The following TANGO6 variants were observed in gnomAD, a reference collection of about 807,000 sequenced individuals.
TANGO6 encodes the protein transport and golgi organization 6 homolog.
In TANGO6, 90 loss-of-function variants were observed where a neutral mutation model predicts 114.2. The observed-to-expected ratio is 0.79, with a 90% confidence interval of 0.66 to 0.94. The LOEUF is 0.94. Among genes scored for constraint, TANGO6 ranks in the 40% least tolerant of loss-of-function variants. The pLI is 0.00. For missense variants in TANGO6, 1,274 were observed against 1,315.3 expected (o/e 0.97, Z 0.49); for synonymous variants, 477 against 509.8 (o/e 0.94, Z 0.87).
chr16:69,055,339 T>A (rs1232995336), intron 17 of TANGO6, among the ~76,000 whole-genome samples: 1 of 152,170 alleles, frequency 6.6e-6, no homozygotes, highest in Non-Finnish European at 1.5e-5. Flanking sequence ...ACTGGAATAC[T>A]CCATCTCCTG....
intron 14 of TANGO6, among the ~76,000 whole-genome samples, chr16:68,951,336 TG>T (rs953015684): frequency 5.6e-5 from 5 of 89,518 alleles, no homozygotes; most frequent in Non-Finnish European, 9.3e-5. Flanking sequence ...AAAGGCAGGG[TG>T]GGGGGGTTGG....
intron 8 of TANGO6, among the ~76,000 whole-genome samples, chr16:68,902,049 C>T (rs1387692877): frequency 1.3e-5 from 1 of 79,796 alleles, no homozygotes; most frequent in African/African-American, 4.5e-5. Context: ...TTGGAATTAC[C>T]AAAAAAAAAA....
chr16:68,893,232 T>C (rs1486474974), intron 7 of TANGO6, among the ~76,000 whole-genome samples: 1 of 152,144 alleles, frequency 6.6e-6, no homozygotes, highest in Non-Finnish European at 1.5e-5. Flanking sequence ...GAATCATAGA[T>C]GAGATACGAA....
rs915841106 is a variant in TANGO6 at position 69,053,314 on chromosome 16, T to C, written c.3108+12893T>C. ...CATTACAGTTTTTTAATATCAGCAT[T>C]CAGTGTTTATGTTATTATGACTGTA... On this transcript the variant is annotated intron_variant, in intron 17 of 17. Coordinates refer to ENST00000261778, the MANE Select transcript of TANGO6 (RefSeq NM_024562.2). Among the ~76,000 whole-genome samples the C allele has an allele frequency of 1.4e-4, 22 of 152,274 alleles. No homozygotes were observed. In the East Asian group the frequency reaches 2.5e-3, roughly 17 times the overall value.
chr16:69,073,261 G>A (rs1418159997), intron 17 of TANGO6, among the ~76,000 whole-genome samples: 1 of 152,168 alleles, frequency 6.6e-6, no homozygotes, highest in East Asian at 1.9e-4. Context: ...CATTTCCTTG[G>A]TGCCACCCAC....
chr16:68,879,981 A>T (rs1389718678), intron 6 of TANGO6, among the ~76,000 whole-genome samples: 1 of 140,444 alleles, frequency 7.1e-6, no homozygotes, highest in East Asian at 2.2e-4. Context: ...ATGAAAAAAA[A>T]TTTTTTTTTG....
In TANGO6 at chr16:69,033,003, T is replaced by C. The variant is rs1959623795; in HGVS notation, c.2995-7305T>C. Among the ~76,000 whole-genome samples the C allele has an allele frequency of 2.6e-5, 4 of 151,850 alleles. No individual in the cohort carries two copies. In the South Asian group the frequency reaches 8.3e-4, roughly 32 times the overall value. ...GAGTTCGAGACCAGCCTGGTCAACA[T>C]GGTGAAACCCCATCTCCACTAAAAA... On this transcript the variant is annotated intron_variant, in intron 16 of 17. Transcript: ENST00000261778.
intron 15 of TANGO6, among the ~76,000 whole-genome samples, chr16:69,019,269 A>G (rs370259889): frequency 3.3e-5 from 5 of 152,334 alleles, no homozygotes; most frequent in Admixed American, 1.3e-4. Flanking sequence ...AAATGCAAAG[A>G]CTGGGTCAAA....
chr16:68,856,666 C>T (rs1446328652), intron 1 of TANGO6, among the ~76,000 whole-genome samples: 1 of 152,130 alleles, frequency 6.6e-6, no homozygotes, highest in African/African-American at 2.4e-5. Context: ...AACTGATAAA[C>T]CAATGTTGAT....
intron 3 of TANGO6, 125 bp downstream of exon 3, chr16:68,863,186 T>C: frequency 5.6e-6 from 3 of 534,104 alleles, no homozygotes; most frequent in Non-Finnish European, 9.7e-6. Context: ...TTTTTTCATC[T>C]TTTAGATCAT....
chr16:68,876,302 C>T (rs940523737), intron 5 of TANGO6, among the ~76,000 whole-genome samples: 1 of 151,948 alleles, frequency 6.6e-6, no homozygotes, highest in African/African-American at 2.4e-5. Context: ...GCTGGGATTA[C>T]AGGCATGCGC....
rs763985682 is a variant in TANGO6, at chr16:68,867,067, T to C, written c.853-12T>C. The C allele has an allele frequency of 2.5e-6, 4 of 1,606,420 alleles. No homozygotes were observed. Among genetic ancestry groups the C allele is most frequent in the Non-Finnish European group, 3.4e-6 (4 of 1,176,800 alleles). On this transcript the variant is annotated splice_polypyrimidine_tract_variant and intron_variant, in intron 3 of 17. Coordinates refer to ENST00000261778, the MANE Select transcript of TANGO6 (RefSeq NM_024562.2). Reference sequence around the variant, plus strand: ...GTGACATTCAGAATTCACACCTTCTTCTTTTTCTCAGTCCTGCACAGATGT... The same window carrying C: ...GTGACATTCAGAATTCACACCTTCTCCTTTTTCTCAGTCCTGCACAGATGT...
At chr16:69,028,531 G>A (rs1025224808) in intron 16 of TANGO6, among the ~76,000 whole-genome samples, 1 of 152,068 alleles carries the variant, frequency 6.6e-6, no homozygotes, top group Non-Finnish European at 1.5e-5. Flanking sequence ...TACTTAGGAG[G>A]CTGTGGCAGG....
At chr16:68,951,863 C>T (rs1046027473) in intron 14 of TANGO6, among the ~76,000 whole-genome samples, 1 of 152,146 alleles carries the variant, frequency 6.6e-6, no homozygotes, top group South Asian at 2.1e-4. Context: ...CCACCCGCCT[C>T]GGCCTCCCAA....
rs1266867339 is a variant in TANGO6, at chr16:69,040,294, C to T, written c.2995-14C>T. ...TCTGATTCTTATCAACTTCATCTTCCTTCATCCTCCTAGGTAACAGCTTGC... is the reference window on the plus strand; with the variant it reads ...TCTGATTCTTATCAACTTCATCTTCTTTCATCCTCCTAGGTAACAGCTTGC... On this transcript the variant is annotated splice_polypyrimidine_tract_variant and intron_variant, in intron 16 of 17. Transcript: ENST00000261778. 1 of 1,587,044 alleles carries T rather than the reference C, an allele frequency of 6.3e-7. No homozygotes were observed. The highest frequency in any genetic ancestry group is 2.3e-5 in the East Asian group (1 of 43,996).
chr16:68,986,145 G>A (rs1963887681), intron 15 of TANGO6, among the ~76,000 whole-genome samples: 1 of 152,200 alleles, frequency 6.6e-6, no homozygotes, highest in Non-Finnish European at 1.5e-5. Flanking sequence ...CTTGTAATCA[G>A]CAAGCTAAGA....
At position 69,025,706 on chromosome 16, in the gene TANGO6, C is replaced by T. The variant is rs186587358; in HGVS notation, c.2994+2727C>T. On this transcript the variant is annotated intron_variant, in intron 16 of 17. Coordinates refer to ENST00000261778, the MANE Select transcript of TANGO6 (RefSeq NM_024562.2). ...TGCACTGGGTACCTGCCCCTATCTG[C>T]GTAGGCATTTGGCTGCCTCCTGTAG... 1.6e-3 allele frequency among the ~76,000 whole-genome samples: 237 copies of T among 151,362 alleles called. 4 individuals carry two copies. The highest frequency in any genetic ancestry group is 6.3e-4 in the Non-Finnish European group (43 of 67,970).
chr16:68,881,974 C>T (rs1234958751), intron 7 of TANGO6, among the ~76,000 whole-genome samples: 12 of 151,390 alleles, frequency 7.9e-5, no homozygotes, highest in Admixed American at 5.9e-4. Flanking sequence ...TAGTGAGACC[C>T]GAGCTCTATA....
chr16:69,067,052 A>C (rs943760017), intron 17 of TANGO6, among the ~76,000 whole-genome samples: 5 of 152,068 alleles, frequency 3.3e-5, no homozygotes, highest in Non-Finnish European at 7.4e-5. Context: ...GCGTGACACC[A>C]TGCCCGACTA....
Sources: gnomAD v4.1 joint callset for allele counts (sites outside exome capture counted in the v4.1 genomes callset) on GRCh38, gnomAD v4.1.1 for gene constraint, MANE v1.5 for transcripts, NCBI Gene and HGNC (gene_info 2026-07-23, HGNC 2026-07-21) for gene names.